ANO2: variants seen among roughly 807,000 people sequenced by gnomAD.
ANO2 encodes anoctamin 2, also known as anoctamin-2.
ANO2 carries 101 observed loss-of-function variants against 124.2 expected under a neutral mutation model. That is an observed-to-expected ratio of 0.81 (90% confidence interval 0.69 to 0.96). The LOEUF (loss-of-function observed/expected upper bound fraction) is 0.96, where lower values mean the gene tolerates loss of function less well. Ranked by LOEUF, ANO2 falls within the 40% of genes least tolerant of loss-of-function variation. The pLI is 0.00. For synonymous variants in ANO2, 486 were observed against 482.5 expected, an observed-to-expected ratio of 1.01 and a Z score of -0.09; for missense variants, 1,293 against 1,274.5, an observed-to-expected ratio of 1.01 and a Z score of -0.22.
intron 1 of ANO2, among the ~76,000 whole-genome samples, chr12:5,935,961 T>A (rs1270148746): frequency 6.6e-6 from 1 of 152,210 alleles, no homozygotes; most frequent in East Asian, 1.9e-4. Flanking sequence ...CACCACTATT[T>A]GGGTGGATTT....
rs544918223 is a variant in ANO2 at position 5,769,827 on chromosome 12, T to C, written c.1056-18857A>G. On this transcript the variant is annotated intron_variant, in intron 10 of 24. Coordinates refer to ENST00000682330, the MANE Select transcript of ANO2 (RefSeq NM_001364791.2). The surrounding 1 kb of genome is among the most constrained non-coding windows in gnomAD (Gnocchi z 4.0). Reference sequence around the variant, plus strand: ...ATACAGGTGTTTGCAAACAAATGGCTTGTGAAGGGTCCTTTCCCTGGGTAT... The same window carrying C: ...ATACAGGTGTTTGCAAACAAATGGCCTGTGAAGGGTCCTTTCCCTGGGTAT... 6.6e-6 allele frequency among the ~76,000 whole-genome samples: 1 copy of C among 152,254 alleles called. No individual in the cohort carries two copies. The highest frequency in any genetic ancestry group is 2.4e-5 in the African/African-American group (1 of 41,534).
chr12:5,568,695 CG>C (rs1941927224), intron 23 of ANO2, among the ~76,000 whole-genome samples: 1 of 152,086 alleles, frequency 6.6e-6, no homozygotes, highest in African/African-American at 2.4e-5. Context: ...GCTAATCAAC[CG>C]AATAATTTCC....
intron 7 of ANO2, among the ~76,000 whole-genome samples, chr12:5,811,836 T>C (rs188884824): frequency 6.6e-6 from 1 of 152,202 alleles, no homozygotes; most frequent in Non-Finnish European, 1.5e-5. Flanking sequence ...AGTCTCTGAA[T>C]GTGATGGGCA....
intron 19 of ANO2, among the ~76,000 whole-genome samples, chr12:5,610,861 A>ACACACACACACACAC (rs1565472341): frequency 1.2e-5 from 1 of 82,178 alleles, no homozygotes; most frequent in Non-Finnish European, 2.9e-5. Flanking sequence ...CACACACACA[A>ACACACACACACACAC]CCCTAAGGGA....
intron 14 of ANO2, among the ~76,000 whole-genome samples, chr12:5,692,627 A>G (rs1948992280): frequency 6.6e-6 from 1 of 152,172 alleles, no homozygotes; most frequent in African/African-American, 2.4e-5. Flanking sequence ...GGCAATTCAC[A>G]GTGCCCAAGT....
intron 10 of ANO2, among the ~76,000 whole-genome samples, chr12:5,776,540 A>C (rs1316623768): frequency 6.6e-6 from 1 of 152,226 alleles, no homozygotes; most frequent in Non-Finnish European, 1.5e-5. Context: ...TCCACGTGTC[A>C]AGTAATGGCA....
rs967156872 is a variant in ANO2 at position 5,747,795 on chromosome 12, C to G, written c.1190+3041G>C. 3.3e-5 allele frequency among the ~76,000 whole-genome samples: 5 copies of G among 152,372 alleles called. No individual in the cohort carries two copies. The South Asian group carries it at 1.0e-3, about 32-fold the overall frequency. On this transcript the variant is annotated intron_variant, in intron 11 of 24. Transcript: ENST00000682330. ...TCTTACCCCATCTTGTTTTAGTCCACTTGAAAGCCCATTAAATTGATTCCA... is the reference window on the plus strand; with the variant it reads ...TCTTACCCCATCTTGTTTTAGTCCAGTTGAAAGCCCATTAAATTGATTCCA...
intron 14 of ANO2, among the ~76,000 whole-genome samples, chr12:5,663,086 C>A (rs555237062): frequency 6.6e-6 from 1 of 152,308 alleles, no homozygotes; most frequent in Admixed American, 6.5e-5. Context: ...CTCCTTCCTG[C>A]GTGGCCTGCA....
chr12:5,771,711 C>A (rs1041581718), intron 10 of ANO2, among the ~76,000 whole-genome samples: 1 of 152,054 alleles, frequency 6.6e-6, no homozygotes, highest in African/African-American at 2.4e-5. Flanking sequence ...ACCTGGGAGG[C>A]AGAGGTTGCA....
intron 10 of ANO2, among the ~76,000 whole-genome samples, chr12:5,781,111 A>C (rs1263548208): frequency 6.6e-6 from 1 of 152,344 alleles, no homozygotes; most frequent in African/African-American, 2.4e-5. Context: ...CCAAGCTCAG[A>C]GGTGGCTGCT....
intron 14 of ANO2, among the ~76,000 whole-genome samples, chr12:5,700,155 T>C (rs145871959): frequency 0.011 from 1,607 of 152,316 alleles, 27 homozygotes; most frequent in African/African-American, 0.036. Context: ...CAGCACCACA[T>C]TGTACTTATT....
intron 3 of ANO2, among the ~76,000 whole-genome samples, chr12:5,875,543 A>C (rs1277931038): frequency 6.6e-6 from 1 of 152,260 alleles, no homozygotes; most frequent in East Asian, 1.9e-4. Context: ...CAACCAAAGA[A>C]GGCAGCCATC....
intron 10 of ANO2, among the ~76,000 whole-genome samples, chr12:5,774,167 T>A (rs1265583724): frequency 6.6e-6 from 1 of 152,184 alleles, no homozygotes; most frequent in African/African-American, 2.4e-5. Context: ...CAAAAAGTTG[T>A]TCTTGGGCAG....
At chr12:5,748,466 A>G (rs1229078401) in intron 11 of ANO2, among the ~76,000 whole-genome samples, 2 of 152,212 alleles carry the variant, frequency 1.3e-5, no homozygotes, top group Non-Finnish European at 2.9e-5. Flanking sequence ...TTCTCTGCTT[A>G]TTAGAAAAAG....
intron 2 of ANO2, 81 bp from the exon 3 acceptor site, chr12:5,921,447 G>T: frequency 2.1e-6 from 3 of 1,407,280 alleles, no homozygotes; most frequent in Non-Finnish European, 1.9e-6. Context: ...TATGCTCTGG[G>T]CTCAGGGAAA....
rs191714907 is a variant in ANO2 at position 5,794,467 on chromosome 12, C to T, written c.1055+5040G>A. Among the ~76,000 whole-genome samples, 86 of 152,246 alleles carry T rather than the reference C, an allele frequency of 5.6e-4. 1 individual carries two copies. Among genetic ancestry groups the T allele is most frequent in the Admixed American group, 1.5e-3 (23 of 15,302 alleles). On this transcript the variant is annotated intron_variant, in intron 10 of 24. Coordinates refer to ENST00000682330, the MANE Select transcript of ANO2 (RefSeq NM_001364791.2). ...TTTCAGTCATTAGTATCAGGCTAAACTATAAATCCTTATACAGGGCAGTCC... is the reference window on the plus strand; with the variant it reads ...TTTCAGTCATTAGTATCAGGCTAAATTATAAATCCTTATACAGGGCAGTCC...
chr12:5,683,167 A>G (rs528949039), intron 14 of ANO2, among the ~76,000 whole-genome samples: 1 of 152,186 alleles, frequency 6.6e-6, no homozygotes, highest in South Asian at 2.1e-4. Context: ...TCTGCCCCCT[A>G]TTATCATCAT....
intron 14 of ANO2, among the ~76,000 whole-genome samples, chr12:5,731,542 C>G (rs1950635334): frequency 6.6e-6 from 1 of 151,594 alleles, no homozygotes; most frequent in Non-Finnish European, 1.5e-5. Context: ...GATTTTCAAT[C>G]TAGTGGAATT....
At chr12:5,682,342 TCTC>T (rs1948530938) in intron 14 of ANO2, among the ~76,000 whole-genome samples, 2 of 63,306 alleles carry the variant, frequency 3.2e-5, no homozygotes. Flanking sequence ...TCTCTTTCTC[TCTC>T]TCTCTCTCTC....
Sources: allele counts gnomAD v4.1 joint callset (sites outside exome capture counted in the v4.1 genomes callset), GRCh38; gene constraint gnomAD v4.1.1; non-coding constraint Gnocchi (gnomAD v3.1); transcripts MANE v1.5; gene names NCBI Gene and HGNC (gene_info 2026-07-23, HGNC 2026-07-21).